The following DMXL2 variants were observed in gnomAD, a reference collection of about 807,000 sequenced individuals.
DMXL2 encodes dmX-like protein 2.
In DMXL2, 103 loss-of-function variants were observed where a neutral mutation model predicts 331.1. The ratio of observed to expected loss-of-function variants is 0.31; its 90% CI spans 0.27 to 0.37. DMXL2 has a LOEUF of 0.37. Among genes scored for constraint, DMXL2 ranks in the 10% least tolerant of loss-of-function variants. DMXL2 has a pLI of 1.00. For synonymous variants in DMXL2, 1,281 were observed against 1,252.1 expected (o/e 1.02, Z -0.49); for missense variants, 3,171 against 3,642.9 (o/e 0.87, Z 3.33).
At chr15:51,482,156 A>C (rs945630847) in intron 23 of DMXL2, among the ~76,000 whole-genome samples, 1 of 152,200 alleles carries the variant, frequency 6.6e-6, no homozygotes, top group South Asian at 2.1e-4. Flanking sequence ...AAATTAAACA[A>C]ATCAGTCTAT....
intron 1 of DMXL2, among the ~76,000 whole-genome samples, chr15:51,604,488 G>A (rs1020075343): frequency 8.6e-5 from 13 of 150,758 alleles, no homozygotes; most frequent in African/African-American, 3.2e-4. Flanking sequence ...GGAAACAATT[G>A]GAAAATAAAA....
At chr15:51,519,563 TA>T (rs2047224584) in intron 13 of DMXL2, among the ~76,000 whole-genome samples, 1 of 152,088 alleles carries the variant, frequency 6.6e-6, no homozygotes, top group Admixed American at 6.5e-5. Flanking sequence ...TTTCTGGCTT[TA>T]ATGGAAACAA....
At chr15:51,520,931 A>G (rs2047324699) in intron 13 of DMXL2, among the ~76,000 whole-genome samples, 1 of 152,156 alleles carries the variant, frequency 6.6e-6, no homozygotes, top group African/African-American at 2.4e-5. Flanking sequence ...AAGCAATTCG[A>G]GTGCAGTTTT....
At chr15:51,482,773 G>A (rs1181375938) in intron 23 of DMXL2, among the ~76,000 whole-genome samples, 1 of 152,180 alleles carries the variant, frequency 6.6e-6, no homozygotes, top group Non-Finnish European at 1.5e-5. Context: ...AACAATCTGA[G>A]CATCCATAAA....
intron 13 of DMXL2, among the ~76,000 whole-genome samples, chr15:51,528,412 G>C (rs568859244): frequency 1.3e-5 from 2 of 152,164 alleles, no homozygotes; most frequent in East Asian, 3.9e-4. Flanking sequence ...AACCAAAAAA[G>C]AGCAGGAATA....
At chr15:51,607,454 T>G (rs1200303718) in intron 1 of DMXL2, among the ~76,000 whole-genome samples, 2 of 150,266 alleles carry the variant, frequency 1.3e-5, no homozygotes, top group Non-Finnish European at 3.0e-5. Context: ...AGACTCCGTC[T>G]CAAAAAAAGA....
intron 1 of DMXL2, among the ~76,000 whole-genome samples, chr15:51,615,467 A>G (rs1057420522): frequency 1.4e-4 from 21 of 152,338 alleles, no homozygotes; most frequent in Admixed American, 1.2e-3. Context: ...GTGGAGGACT[A>G]TCCCGTGCAC....
Position 51,500,116 on chromosome 15 carries a change from C to G in DMXL2, c.3108G>C (p.Glu1036Asp). The G allele has an allele frequency of 6.2e-7, 1 of 1,614,184 alleles. No individual in the cohort carries two copies. Among genetic ancestry groups the G allele is most frequent in the Non-Finnish European group, 8.5e-7 (1 of 1,180,016 alleles). Residue 1036 changes from glutamate to aspartate, a missense_variant, in exon 18 of 44, where the codon GAG becomes GAC. Around this residue, in one of 7 missense-constraint regions of DMXL2, gnomAD observed 1,674 missense variants for 1,780.2 expected, o/e 0.94. Transcript: ENST00000560891. ...TTTCTTTCTCATCACTTTTATTACA[C>G]TCTGGGTTGGCTTCCATACAACATT... is the stretch of plus-strand genomic sequence containing the variant. Reference protein sequence around the residue: ...FWKCCMEANPECNKSDEKEIY... With the variant: ...FWKCCMEANPDCNKSDEKEIY...
intron 2 of DMXL2, among the ~76,000 whole-genome samples, chr15:51,575,844 C>T (rs2050989557): frequency 6.6e-6 from 1 of 152,028 alleles, no homozygotes; most frequent in African/African-American, 2.4e-5. Flanking sequence ...TCTTTGAAGA[C>T]AGTATACATA....
At chr15:51,556,615 A>G (rs1315509429) in intron 6 of DMXL2, among the ~76,000 whole-genome samples, 1 of 151,916 alleles carries the variant, frequency 6.6e-6, no homozygotes, top group Non-Finnish European at 1.5e-5. Flanking sequence ...TCTACCAAAA[A>G]TACAAAAATT....
intron 19 of DMXL2, 74 bp from the exon 20 acceptor site, chr15:51,491,821 A>G (rs1010794392): frequency 2.2e-5 from 28 of 1,258,252 alleles, no homozygotes; most frequent in Non-Finnish European, 2.8e-5. Flanking sequence ...TCATGCAGTC[A>G]CATACGCATT....
intron 1 of DMXL2, among the ~76,000 whole-genome samples, chr15:51,597,629 G>C (rs2052921785): frequency 6.6e-6 from 1 of 152,136 alleles, no homozygotes; most frequent in African/African-American, 2.4e-5. Context: ...TCGCATACGT[G>C]CATGCATTTC....
At chr15:51,476,972 C>T (rs1269690364) in intron 26 of DMXL2, among the ~76,000 whole-genome samples, 1 of 151,794 alleles carries the variant, frequency 6.6e-6, no homozygotes, top group Non-Finnish European at 1.5e-5. Flanking sequence ...TTCCAGATGC[C>T]ACTTTAATAC....
At position 51,536,294 on chromosome 15, in the gene DMXL2, C is replaced by T. The variant is rs761923802; in HGVS notation, c.2186G>A (p.Arg729His). 6.8e-6 allele frequency: 11 copies of T among 1,613,898 alleles called. No homozygotes were observed. The highest frequency in any genetic ancestry group is 1.1e-5 in the South Asian group (1 of 91,080). ...NAIYSELILW[R>H]VDPIGPLSYT... ...TGACAAAGGTCCTATTGGGTCTACA[C>T]GCCACAGAATAAGTTCACTGTAGAT... The change falls in exon 12 of 44, where the codon CGT (arginine) becomes CAT (histidine). Residue 729 changes from arginine to histidine, a missense_variant. Physicochemically the swap from Arg to His is conservative, Grantham distance 29. Around this residue, in one of 7 missense-constraint regions of DMXL2, gnomAD observed 1,674 missense variants for 1,780.2 expected, o/e 0.94. Coordinates refer to ENST00000560891, the MANE Select transcript of DMXL2 (RefSeq NM_001378457.1).
chr15:51,469,813 T>A (rs1466617578), intron 29 of DMXL2, among the ~76,000 whole-genome samples: 1 of 152,190 alleles, frequency 6.6e-6, no homozygotes, highest in Non-Finnish European at 1.5e-5. Context: ...TTCCCTGGTT[T>A]ATTAGCTAAA....
rs1230657447 is a variant in DMXL2 at position 51,466,067 on chromosome 15, A to G, written c.7520+117T>C. ...GGTGTAGAATTTGTAACCTGGAAAC[A>G]TAAGTCATTTCTTATATAAATTCAG... On this transcript the variant is annotated intron_variant, in intron 30 of 43. Transcript: ENST00000560891. 14 of 922,604 alleles carry G rather than the reference A, an allele frequency of 1.5e-5. No individual in the cohort carries two copies. In the East Asian group the frequency reaches 2.8e-4, roughly 19 times the overall value. The allele number at this position is 922,604 out of a possible 1,614,324, so 57.2% of individuals were successfully genotyped here. A position where few individuals can be genotyped will look rare whatever the true frequency, so the allele number is the denominator to read the frequency against.
intron 16 of DMXL2, among the ~76,000 whole-genome samples, chr15:51,504,146 G>A (rs541421668): frequency 6.6e-6 from 1 of 152,182 alleles, no homozygotes; most frequent in Non-Finnish European, 1.5e-5. Context: ...GTAGATCCCA[G>A]TAAAGCAGCC....
In DMXL2 at chr15:51,568,472, T is replaced by C. The variant is rs371119645; in HGVS notation, c.285+15A>G. 6.1e-6 allele frequency: 9 copies of C among 1,467,950 alleles called. No homozygotes were observed. The African/African-American group carries it at 1.0e-4, about 17-fold the overall frequency. 90.9% of individuals were successfully genotyped at this position (1,467,950 alleles called of 1,614,324 possible). On this transcript the variant is annotated intron_variant, in intron 3 of 43. Transcript: ENST00000560891. ...ACTAGATTCTAAAAGTATTCTATTA[T>C]TGGTTAATACTTACACAATTTCTTT...
chr15:51,592,705 A>G (rs932036506), intron 1 of DMXL2, among the ~76,000 whole-genome samples: 1 of 152,260 alleles, frequency 6.6e-6, no homozygotes, highest in South Asian at 2.1e-4. Context: ...TCAGACTAAC[A>G]GCTGATCTCT....
Sources: gnomAD v4.1 joint callset for allele counts (sites outside exome capture counted in the v4.1 genomes callset) on GRCh38, gnomAD v4.1.1 for gene constraint, gnomAD v4.1.1 regional missense constraint, MANE v1.5 for transcripts, NCBI Gene and HGNC (gene_info 2026-07-23, HGNC 2026-07-21) for gene names.